The following NRXN2 variants were observed in gnomAD, a reference collection of about 807,000 sequenced individuals.
NRXN2 encodes neurexin-2-beta.
In NRXN2, 29 loss-of-function variants were observed where a neutral mutation model predicts 128.8. The observed-to-expected ratio is 0.23, with a 90% CI of 0.17 to 0.31. The LOEUF (loss-of-function observed/expected upper bound fraction) is 0.31. Among genes scored for constraint, NRXN2 ranks in the 10% least tolerant of loss-of-function variants. The pLI, the probability that NRXN2 is intolerant of heterozygous loss-of-function variation, is 1.00. For synonymous variants in NRXN2, 1,098 were observed against 1,075.2 expected (o/e 1.02, Z -0.41); for missense variants, 1,881 against 2,452.6 (o/e 0.77, Z 4.92).
Position 64,630,350 on chromosome 11 carries a change from G to A in NRXN2, c.3757+52C>T. ...CCGGTGCGGCCGCACTCCTATCAGA[G>A]GCCGCCACCCGCCCCGCCACCGCGC... On this transcript the variant is annotated intron_variant, in intron 19 of 22. Transcript: ENST00000265459. This position sits in a 1 kb window ranked among gnomAD's most constrained non-coding sequence, Gnocchi z 4.6. 1 of 1,545,398 alleles carries A rather than the reference G, an allele frequency of 6.5e-7. No individual in the cohort carries two copies. The highest frequency in any genetic ancestry group is 8.8e-7 in the Non-Finnish European group (1 of 1,141,196).
At chr11:64,643,726 G>A (rs1156726614) in intron 17 of NRXN2, among the ~76,000 whole-genome samples, 1 of 151,744 alleles carries the variant, frequency 6.6e-6, no homozygotes, top group Non-Finnish European at 1.5e-5. Flanking sequence ...TAGCCCGCTC[G>A]GCGCTCTCCT....
At chr11:64,653,548 TG>T in intron 12 of NRXN2, 147 bp downstream of exon 12, 1 of 805,196 alleles carries the variant, frequency 1.2e-6, no homozygotes, top group Admixed American at 2.0e-5. Context: ...CTCACCCTCC[TG>T]CCTGCACCCC....
chr11:64,625,765 G>C (rs1049430823), intron 20 of NRXN2, among the ~76,000 whole-genome samples: 2 of 152,088 alleles, frequency 1.3e-5, no homozygotes, highest in Admixed American at 1.3e-4. Flanking sequence ...GCCTCACAAG[G>C]GGCTTGCTTG....
At chr11:64,620,213 G>A in intron 22 of NRXN2, 81 bp downstream of exon 22, 1 of 1,153,472 alleles carries the variant, frequency 8.7e-7, no homozygotes, top group South Asian at 1.3e-5. Flanking sequence ...TGGGGCTTGG[G>A]CCAGGTGGCA....
chr11:64,625,328 G>T (rs1337438188), intron 20 of NRXN2, among the ~76,000 whole-genome samples: 1 of 152,182 alleles, frequency 6.6e-6, no homozygotes, highest in East Asian at 1.9e-4. Flanking sequence ...GGTCCCTGTG[G>T]CCCCTGGCCC....
At chr11:64,708,815 T>C (rs745694331) in intron 2 of NRXN2, among the ~76,000 whole-genome samples, 15 of 152,186 alleles carry the variant, frequency 9.9e-5, no homozygotes, top group Non-Finnish European at 1.8e-4. Flanking sequence ...AAATTCACAG[T>C]GGCTTTGAGT....
chr11:64,689,695 C>T (rs2053558082), intron 5 of NRXN2, among the ~76,000 whole-genome samples: 1 of 152,192 alleles, frequency 6.6e-6, no homozygotes, highest in African/African-American at 2.4e-5. Context: ...TGACCAGGTT[C>T]ACCTGGGGTG....
chr11:64,712,011 A>G (rs1459389869), intron 2 of NRXN2, among the ~76,000 whole-genome samples: 3 of 152,154 alleles, frequency 2.0e-5, no homozygotes, highest in Non-Finnish European at 4.4e-5. Flanking sequence ...GTGCTTGTCC[A>G]GGCCGCACAG....
At chr11:64,702,287 C>T (rs868852275) in intron 2 of NRXN2, among the ~76,000 whole-genome samples, 2 of 152,222 alleles carry the variant, frequency 1.3e-5, no homozygotes, top group East Asian at 3.9e-4. Flanking sequence ...GGCCACCACC[C>T]GTCTGGGAGG....
At chr11:64,721,348 A>G (rs970220879) in intron 1 of NRXN2, among the ~76,000 whole-genome samples, 1 of 151,882 alleles carries the variant, frequency 6.6e-6, no homozygotes, top group Admixed American at 6.6e-5. Context: ...GATTCAGCCC[A>G]GGCCTGGGCT....
intron 9 of NRXN2, among the ~76,000 whole-genome samples, chr11:64,663,356 CAA>C (rs1199857430): frequency 6.8e-6 from 1 of 146,226 alleles, no homozygotes; most frequent in Non-Finnish European, 1.5e-5. Context: ...GCCTGGGCGA[CAA>C]GAGCAAAACT....
intron 7 of NRXN2, among the ~76,000 whole-genome samples, chr11:64,673,192 T>G (rs1399663464): frequency 6.6e-6 from 1 of 152,218 alleles, no homozygotes; most frequent in Non-Finnish European, 1.5e-5. Flanking sequence ...CATTCAAGTT[T>G]AAATGATATT....
chr11:64,644,394 C>T (rs978966120), intron 17 of NRXN2, among the ~76,000 whole-genome samples: 3 of 152,172 alleles, frequency 2.0e-5, no homozygotes, highest in Admixed American at 2.0e-4. Context: ...TGCCCCTCCC[C>T]CAGCCCCAAC....
chr11:64,607,239 G>A lies in NRXN2; in HGVS notation c.5096C>T (p.Pro1699Leu). ...KEKAPAAPKT[P>L]SKAKKNKDKE... ...GTCTTTGTTCTTCTTGGCCTTGCTG[G>A]GCGTCTTGGGGGCAGCCGGGGCCTT... Residue 1699 changes from proline (P) to leucine (L), a missense_variant, in exon 23 of 23, where the codon CCC becomes CTC. Pro to Leu is a moderately conservative substitution (Grantham distance 98, BLOSUM62 -3). Transcript: ENST00000265459. The A allele has an allele frequency of 1.2e-6, 2 of 1,613,900 alleles. No homozygotes were observed. Among genetic ancestry groups the A allele is most frequent in the Non-Finnish European group, 1.7e-6 (2 of 1,179,930 alleles).
intron 18 of NRXN2, among the ~76,000 whole-genome samples, chr11:64,633,118 G>A (rs2044171604): frequency 6.6e-6 from 1 of 152,128 alleles, no homozygotes; most frequent in African/African-American, 2.4e-5. Flanking sequence ...GCCCTCTGCC[G>A]TACCCGGCAC....
chr11:64,658,176 C>T (rs950574722), intron 11 of NRXN2, among the ~76,000 whole-genome samples: 1 of 152,166 alleles, frequency 6.6e-6, no homozygotes, highest in Non-Finnish European at 1.5e-5. Flanking sequence ...CCCTGCAGAT[C>T]CAAGGCCCCA....
At chr11:64,721,835 CA>C (rs1222471847) in intron 1 of NRXN2, among the ~76,000 whole-genome samples, 3 of 152,082 alleles carry the variant, frequency 2.0e-5, no homozygotes, top group Admixed American at 6.5e-5. Flanking sequence ...CCAGGGCAGC[CA>C]AGGGACTGGG....
intron 22 of NRXN2, among the ~76,000 whole-genome samples, chr11:64,610,488 G>C (rs2040450644): frequency 6.6e-6 from 1 of 152,146 alleles, no homozygotes; most frequent in Admixed American, 6.5e-5. Flanking sequence ...GGAATCTGTT[G>C]GGGCTGCTTG....
intron 7 of NRXN2, among the ~76,000 whole-genome samples, chr11:64,668,922 A>G (rs1045011346): frequency 6.6e-6 from 1 of 152,174 alleles, no homozygotes; most frequent in Non-Finnish European, 1.5e-5. Flanking sequence ...CACTCTGAAC[A>G]GGAATGGGGG....
Sources: allele counts gnomAD v4.1 joint callset (sites outside exome capture counted in the v4.1 genomes callset), GRCh38; gene constraint gnomAD v4.1.1; non-coding constraint Gnocchi (gnomAD v3.1); transcripts MANE v1.5; gene names NCBI Gene and HGNC (gene_info 2026-07-23, HGNC 2026-07-21).